Variants in KIF3B observed in about 807,000 individuals in gnomAD.
The protein encoded by KIF3B is kinesin family member 3B, also known as kinesin-like protein KIF3B.
KIF3B carries 38 observed loss-of-function variants against 74.3 expected under a neutral mutation model. The ratio of observed to expected loss-of-function variants is 0.51; its 90% CI spans 0.39 to 0.67. The LOEUF is 0.67. Among genes scored for constraint, KIF3B ranks in the 30% least tolerant of loss-of-function variants. KIF3B has a pLI of 0.00. For missense variants in KIF3B, 649 were observed against 932.0 expected (o/e 0.70, Z 3.95); for synonymous variants, 326 against 342.5 (o/e 0.95, Z 0.53).
intron 5 of KIF3B, among the ~76,000 whole-genome samples, chr20:32,323,614 C>G (rs553667798): frequency 6.6e-6 from 1 of 152,072 alleles, no homozygotes; most frequent in Non-Finnish European, 1.5e-5. Flanking sequence ...CATGGTGGCT[C>G]GTACCTGTAA....
chr20:32,299,404 T>TATATATATATATATATATATATATA (rs1555895045), intron 1 of KIF3B, among the ~76,000 whole-genome samples: 2 of 31,326 alleles, frequency 6.4e-5, no homozygotes, highest in Non-Finnish European at 5.3e-5. Context: ...TATATATATA[T>TATATATATATATATATATATATATA]TTTTTTTTTT....
chr20:32,334,880 C>T lies in KIF3B; in HGVS notation c.*3561C>T, dbSNP rs1410978705. ...TGGCTACCTTTAGACAAAGAATACG[C>T]CAATCAATACTTGGGGCTCTAAGTT... is the stretch of plus-strand genomic sequence containing the variant. On this transcript the variant is annotated 3_prime_UTR_variant, in exon 9 of 9. Coordinates refer to ENST00000375712, the MANE Select transcript of KIF3B (RefSeq NM_004798.4). 6.6e-6 allele frequency: 1 copy of T among 152,514 alleles called. No individual in the cohort carries two copies. The highest frequency in any genetic ancestry group is 2.4e-5 in the African/African-American group (1 of 41,430). The allele number at this position is 152,514 out of a possible 1,614,324, so 9.4% of individuals were successfully genotyped here. A position where few individuals can be genotyped will look rare whatever the true frequency, so the allele number is the denominator to read the frequency against.
At chr20:32,292,495 T>C (rs1031996901) in intron 1 of KIF3B, among the ~76,000 whole-genome samples, 3 of 148,136 alleles carry the variant, frequency 2.0e-5, no homozygotes. Context: ...CCTAGCACTT[T>C]GGGAGGCTGA....
intron 7 of KIF3B, among the ~76,000 whole-genome samples, chr20:32,328,600 G>A (rs966869610): frequency 2.2e-4 from 31 of 140,144 alleles, no homozygotes; most frequent in African/African-American, 9.5e-4. Context: ...GTGGCAGAGC[G>A]ACACTCTGTC....
chr20:32,278,903 A>G (rs1325346783), intron 1 of KIF3B, among the ~76,000 whole-genome samples: 1 of 150,246 alleles, frequency 6.7e-6, no homozygotes, highest in African/African-American at 2.4e-5. Context: ...AGTAAAGGGA[A>G]GGACCTGCTT....
chr20:32,314,267 C>T (rs972604638), intron 2 of KIF3B, among the ~76,000 whole-genome samples: 3 of 152,136 alleles, frequency 2.0e-5, no homozygotes, highest in Non-Finnish European at 4.4e-5. Context: ...AGGCTGGGCG[C>T]GGTGGCTCAC....
At chr20:32,305,770 G>A (rs1183101331) in intron 1 of KIF3B, among the ~76,000 whole-genome samples, 2 of 150,542 alleles carry the variant, frequency 1.3e-5, no homozygotes, top group Non-Finnish European at 3.0e-5. Flanking sequence ...TTTTAGTACA[G>A]ATGGTGTTTC....
At chr20:32,304,509 T>TC (rs999119694) in intron 1 of KIF3B, among the ~76,000 whole-genome samples, 52 of 152,324 alleles carry the variant, frequency 3.4e-4, no homozygotes, top group African/African-American at 1.2e-3. Context: ...CCTAGGTTTT[T>TC]CACAGCAGAA....
chr20:32,293,045 A>C (rs558248082), intron 1 of KIF3B, among the ~76,000 whole-genome samples: 20 of 152,138 alleles, frequency 1.3e-4, no homozygotes, highest in Non-Finnish European at 2.4e-4. Flanking sequence ...ACCTGAGGTC[A>C]GGAGTTCAAG....
intron 1 of KIF3B, among the ~76,000 whole-genome samples, chr20:32,299,967 G>C (rs147188002): frequency 1.3e-5 from 2 of 151,620 alleles, no homozygotes; most frequent in Non-Finnish European, 2.9e-5. Flanking sequence ...TTTAAAGATG[G>C]GGTCTCCTTC....
chr20:32,309,853 G>C lies in KIF3B; in HGVS notation c.76G>C (p.Ala26Pro), dbSNP rs775133096. 3 of 1,614,216 alleles carry C rather than the reference G, an allele frequency of 1.9e-6. No homozygotes were observed. Among genetic ancestry groups the C allele is most frequent in the Non-Finnish European group, 2.5e-6 (3 of 1,180,042 alleles). ...GCCCATGAATGGCAAGGAAAAGGCT[G>C]CTTCGTATGACAAAGTGGTGGATGT... ...CRPMNGKEKA[A>P]SYDKVVDVDV... Residue 26 changes from alanine to proline, a missense_variant, in exon 2 of 9, where the codon GCT becomes CCT. Around this residue, in one of 4 missense-constraint regions of KIF3B, gnomAD observed 96 missense variants for 119.0 expected, o/e 0.81. Coordinates refer to ENST00000375712, the MANE Select transcript of KIF3B (RefSeq NM_004798.4).
intron 7 of KIF3B, among the ~76,000 whole-genome samples, chr20:32,328,238 A>G (rs1352389934): frequency 6.6e-6 from 1 of 152,172 alleles, no homozygotes; most frequent in Non-Finnish European, 1.5e-5. Flanking sequence ...AGCCTGGCCA[A>G]CGTGGTGAAA....
intron 7 of KIF3B, among the ~76,000 whole-genome samples, chr20:32,328,355 T>A (rs7273804): frequency 6.9e-6 from 1 of 144,902 alleles, no homozygotes; most frequent in Non-Finnish European, 1.5e-5. Context: ...ACCCAGCGGG[T>A]GGAGCTTGCA....
At chr20:32,325,523 C>A (rs984696415) in intron 5 of KIF3B, among the ~76,000 whole-genome samples, 1 of 151,736 alleles carries the variant, frequency 6.6e-6, no homozygotes, top group Admixed American at 6.6e-5. Flanking sequence ...TAAATAGAAT[C>A]ATTGTAACCA....
intron 1 of KIF3B, among the ~76,000 whole-genome samples, chr20:32,279,723 C>T (rs527442609): frequency 1.3e-5 from 2 of 152,302 alleles, no homozygotes; most frequent in South Asian, 4.1e-4. Context: ...CTTGGCCTCC[C>T]AAAGGACTGG....
intron 1 of KIF3B, among the ~76,000 whole-genome samples, chr20:32,305,004 C>T (rs1046263682): frequency 6.6e-6 from 1 of 151,770 alleles, no homozygotes; most frequent in East Asian, 1.9e-4. Flanking sequence ...AGAAATTAGC[C>T]GGGCATGGTG....
chr20:32,297,461 CGT>C (rs2047722110), intron 1 of KIF3B, among the ~76,000 whole-genome samples: 1 of 152,120 alleles, frequency 6.6e-6, no homozygotes, highest in South Asian at 2.1e-4. Flanking sequence ...GATGTTTTTA[CGT>C]GTGTCTTTAT....
At position 32,332,374 on chromosome 20, in the gene KIF3B, T is replaced by G. The variant is rs1333935755; in HGVS notation, c.*1055T>G. 6.6e-6 allele frequency: 1 copy of G among 152,324 alleles called. No homozygotes were observed. The highest frequency in any genetic ancestry group is 2.4e-5 in the African/African-American group (1 of 41,456). The allele number at this position is 152,324 out of a possible 1,614,324, so 9.4% of individuals were successfully genotyped here. A position where few individuals can be genotyped will look rare whatever the true frequency, so the allele number is the denominator to read the frequency against. On this transcript the variant is annotated 3_prime_UTR_variant, in exon 9 of 9. Transcript: ENST00000375712. ...GCAGAGATGGAGACATGAGACTCAG[T>G]GCAGTGGGCAGGGAAGACATAACAG... is the stretch of plus-strand genomic sequence containing the variant.
At chr20:32,294,858 T>C (rs943491568) in intron 1 of KIF3B, among the ~76,000 whole-genome samples, 16 of 152,334 alleles carry the variant, frequency 1.1e-4, no homozygotes, top group African/African-American at 3.1e-4. Context: ...TAATTCTGTT[T>C]AGTAGCCTTT....
Sources: gnomAD v4.1 joint callset for allele counts (sites outside exome capture counted in the v4.1 genomes callset) on GRCh38, gnomAD v4.1.1 for gene constraint, gnomAD v4.1.1 regional missense constraint, MANE v1.5 for transcripts, NCBI Gene and HGNC (gene_info 2026-07-23, HGNC 2026-07-21) for gene names.